The following IL1B variants were observed in gnomAD, a reference collection of about 807,000 sequenced individuals.
The protein encoded by IL1B is interleukin 1 beta, also known as interleukin-1 beta.
IL1B carries 11 observed loss-of-function variants against 26.2 expected under a neutral mutation model. The ratio of observed to expected loss-of-function variants is 0.42; its 90% CI spans 0.26 to 0.70. The LOEUF (loss-of-function observed/expected upper bound fraction) is 0.70, where lower values mean the gene tolerates loss of function less well. Among genes scored for constraint, IL1B ranks in the 30% least tolerant of loss-of-function variants. IL1B has a pLI of 0.25. For synonymous variants in IL1B, 118 were observed against 120.8 expected (o/e 0.98, Z 0.15); for missense variants, 255 against 327.5 (o/e 0.78, Z 1.71).
intron 5 of IL1B, among the ~76,000 whole-genome samples, chr2:112,831,942 T>G (rs1048948559): frequency 8.5e-5 from 13 of 152,154 alleles, no homozygotes; most frequent in African/African-American, 3.1e-4. Context: ...GTCACAGCAG[T>G]GTCAATTGGA....
Position 112,832,728 on chromosome 2 carries a change from A to G in IL1B, c.400T>C (p.Leu134=), listed in dbSNP as rs200789364. Residue 134 remains leucine, a synonymous_variant, in exon 5 of 7, where the codon TTG becomes CTG. Transcript: ENST00000263341. ...AGTTCATATGGACCAGACATCACCA[A>G]GCTTTTTTGCTGTGAGTCCCGGAGC... ...CTLRDSQQKS[L]VMSGPYELKA... 5 of 1,614,140 alleles carry G rather than the reference A, an allele frequency of 3.1e-6. No homozygotes were observed. The highest frequency in any genetic ancestry group is 1.1e-5 in the South Asian group (1 of 91,084).
intron 1 of IL1B, 94 bp from the exon 2 acceptor site, chr2:112,836,338 A>T (rs1207370103): frequency 2.2e-6 from 2 of 900,638 alleles, no homozygotes; most frequent in East Asian, 2.5e-5. Flanking sequence ...TCATGCAAAG[A>T]AATGATCTCT....
At chr2:112,834,652 T>C (rs1225319191) in intron 3 of IL1B, among the ~76,000 whole-genome samples, 4 of 152,264 alleles carry the variant, frequency 2.6e-5, no homozygotes, top group Non-Finnish European at 5.9e-5. Flanking sequence ...CTCCCACAGC[T>C]GCAGCCAACA....
intron 4 of IL1B, chr2:112,833,050 C>T (rs1024407487): frequency 1.1e-5 from 7 of 617,718 alleles, no homozygotes; most frequent in South Asian, 5.5e-5. Context: ...TCACTGTGGC[C>T]GAGCAACAGA....
intron 1 of IL1B, 122 bp downstream of exon 1, chr2:112,836,586 G>A: frequency 3.4e-6 from 1 of 298,416 alleles, no homozygotes; most frequent in Non-Finnish European, 6.7e-6. Flanking sequence ...AGGCAGAGAG[G>A]GAAGGAGAGG....
chr2:112,830,529 T>C lies in IL1B; in HGVS notation c.642A>G (p.Arg214=). The C allele has an allele frequency of 6.2e-7, 1 of 1,614,066 alleles. No individual in the cohort carries two copies. Residue 214 remains arginine, a synonymous_variant, in exon 7 of 7, where the codon CGA becomes CGG. Coordinates refer to ENST00000263341, the MANE Select transcript of IL1B (RefSeq NM_000576.3). ...KNYPKKKMEK[R]FVFNKIEINN... is the part of the protein sequence containing the mutation. The stretch of plus-strand genomic sequence containing the variant: ...TGATTTCTATCTTGTTGAAGACAAA[T>C]CGCTTTTCCATCTTCTTCTTTGGGT...
chr2:112,835,738 C>CAGGTGTTTCAGGCAGCTT, intron 2 of IL1B, 121 bp from the exon 3 acceptor site: 2 of 843,172 alleles, frequency 2.4e-6, no homozygotes, highest in Non-Finnish European at 4.0e-6. Flanking sequence ...TCAAAGCTGC[C>CAGGTGTTTCAGGCAGCTT]TGAAACACCT....
rs571556428 is a variant in IL1B, at chr2:112,832,787, A to G, written c.341T>C (p.Val114Ala). ...FFDTWDNEAY[V>A]HDAPVRSLNC... The stretch of plus-strand genomic sequence containing the variant: ...CAGTGATCGTACAGGTGCATCGTGC[A>G]CATAAGCCTCGTTATCCCATGTGTC... The change falls in exon 5 of 7, where the codon GTG (valine) becomes GCG (alanine). Residue 114 changes from valine to alanine, a missense_variant. Transcript: ENST00000263341. 3 of 1,614,202 alleles carry G rather than the reference A, an allele frequency of 1.9e-6. No individual in the cohort carries two copies. In the Admixed American group the frequency reaches 5.0e-5, roughly 27 times the overall value.
intron 4 of IL1B, 36 bp downstream of exon 4, chr2:112,833,338 C>T (rs1158755438): frequency 1.9e-6 from 3 of 1,596,876 alleles, no homozygotes; most frequent in East Asian, 2.2e-5. Flanking sequence ...CAAGAGGACA[C>T]AAGTGGAGAT....
chr2:112,830,547 C>G lies in IL1B; in HGVS notation c.624G>C (p.Lys208Asn), dbSNP rs1268028904. ...LESVDPKNYP[K>N]KKMEKRFVFN... is the part of the protein sequence containing the mutation. ...AGACAAATCGCTTTTCCATCTTCTT[C>G]TTTGGGTAATTTTTGGGATCTACAC... Residue 208 changes from lysine (K) to asparagine (N), a missense_variant, in exon 7 of 7, where the codon AAG (lysine) becomes AAC (asparagine). By Grantham distance (94) the Lys-to-Asn change is moderately conservative. Transcript: ENST00000263341. The G allele has an allele frequency of 1.3e-6, 2 of 1,520,090 alleles. No homozygotes were observed. Among genetic ancestry groups the G allele is most frequent in the Non-Finnish European group, 1.8e-6 (2 of 1,130,604 alleles). 94.2% of individuals were successfully genotyped at this position (1,520,090 alleles called of 1,614,324 possible). A position where few individuals can be genotyped will look rare whatever the true frequency, so the allele number is the denominator to read the frequency against.
At chr2:112,831,557 CA>C in intron 5 of IL1B, 135 bp from the exon 6 acceptor site, 2 of 924,584 alleles carry the variant, frequency 2.2e-6, no homozygotes, top group Non-Finnish European at 3.4e-6. Flanking sequence ...TGGCCTAAGA[CA>C]CAGGATAACT....
chr2:112,833,736 G>A (rs1221649057), intron 3 of IL1B, among the ~76,000 whole-genome samples, 161 bp from the exon 4 acceptor site: 1 of 152,178 alleles, frequency 6.6e-6, no homozygotes, highest in Non-Finnish European at 1.5e-5. Flanking sequence ...GCTCATGCCT[G>A]TAATCCCAGC....
intron 3 of IL1B, chr2:112,835,106 TG>T (rs1395073841): frequency 5.2e-6 from 1 of 193,380 alleles, no homozygotes; most frequent in Admixed American, 5.3e-5. Context: ...TTCATCTTTT[TG>T]TTTATATCAT....
intron 1 of IL1B, 81 bp from the exon 2 acceptor site, chr2:112,836,325 C>T: frequency 1.0e-6 from 1 of 981,622 alleles, no homozygotes; most frequent in South Asian, 1.3e-5. Context: ...CAGTGCATGG[C>T]AGTCATGCAA....
In IL1B at chr2:112,832,782, C is replaced by T. The variant is rs1292383377; in HGVS notation, c.346G>A (p.Asp116Asn). 10 of 1,614,162 alleles carry T rather than the reference C, an allele frequency of 6.2e-6. No homozygotes were observed. The highest frequency in any genetic ancestry group is 1.3e-5 in the African/African-American group (1 of 75,038). ...CAGTTCAGTGATCGTACAGGTGCAT[C>T]GTGCACATAAGCCTCGTTATCCCAT... ...DTWDNEAYVH[D>N]APVRSLNCTL... The change falls in exon 5 of 7, where the codon GAT becomes AAT. Residue 116 changes from aspartate (D) to asparagine (N), a missense_variant. Coordinates refer to ENST00000263341, the MANE Select transcript of IL1B (RefSeq NM_000576.3).
intron 5 of IL1B, among the ~76,000 whole-genome samples, 176 bp downstream of exon 5, chr2:112,832,486 G>T (rs540577814): frequency 3.9e-5 from 6 of 152,266 alleles, no homozygotes; most frequent in African/African-American, 1.4e-4. Context: ...CAAATGCACT[G>T]GCCAGTGCAA....
In IL1B at chr2:112,833,491, T is replaced by C; in HGVS notation, c.184A>G (p.Arg62Gly). ...GCCACAACAACTGACGCGGCCTGCCTGAAGCCCTTGCTGTAGTGGTGGTCG... is the reference window on the plus strand; with the variant it reads ...GCCACAACAACTGACGCGGCCTGCCCGAAGCCCTTGCTGTAGTGGTGGTCG... ...ISDHHYSKGF[R>G]QAASVVVAMD... Residue 62 changes from arginine to glycine, a missense_variant, in exon 4 of 7, where the codon AGG (arginine) becomes GGG (glycine). Physicochemically the swap from Arg to Gly is moderately radical, Grantham distance 125 (BLOSUM62 -2). Coordinates refer to ENST00000263341, the MANE Select transcript of IL1B (RefSeq NM_000576.3). 1 of 1,614,216 alleles carries C rather than the reference T, an allele frequency of 6.2e-7. No homozygotes were observed. The highest frequency in any genetic ancestry group is 8.5e-7 in the Non-Finnish European group (1 of 1,180,036).
At chr2:112,836,006 C>T (rs527582800) in intron 2 of IL1B, among the ~76,000 whole-genome samples, 177 bp downstream of exon 2, 1 of 152,330 alleles carries the variant, frequency 6.6e-6, no homozygotes, top group Admixed American at 6.5e-5. Flanking sequence ...GCCTCCAGGT[C>T]CCAAGGCTGG....
intron 3 of IL1B, among the ~76,000 whole-genome samples, chr2:112,834,774 A>C (rs549790444): frequency 3.2e-4 from 48 of 152,362 alleles, no homozygotes; most frequent in Middle Eastern, 3.4e-3. Context: ...AGCCAGAGAA[A>C]AGTGGCTGCC....
Sources: allele counts gnomAD v4.1 joint callset (sites outside exome capture counted in the v4.1 genomes callset), GRCh38; gene constraint gnomAD v4.1.1; transcripts MANE v1.5; gene names NCBI Gene and HGNC (gene_info 2026-07-23, HGNC 2026-07-21).